Variants in GNAT3 observed in about 807,000 individuals in gnomAD.
The protein encoded by GNAT3 is guanine nucleotide-binding protein G(t) subunit alpha-3.
Under a neutral mutation model 37.7 loss-of-function variants are expected in GNAT3, and 31 were observed. The observed-to-expected ratio is 0.82, with a 90% CI of 0.62 to 1.11. GNAT3 has a LOEUF of 1.11. Among genes scored for constraint, GNAT3 ranks in the 50% most tolerant of loss-of-function variants. The pLI is 0.00. For synonymous variants in GNAT3, 138 were observed against 139.8 expected, an observed-to-expected ratio of 0.99 and a Z score of 0.09; for missense variants, 437 against 412.5, an observed-to-expected ratio of 1.06 and a Z score of -0.51.
chr7:80,469,918 T>A (rs1790181543), intron 5 of GNAT3, among the ~76,000 whole-genome samples: 1 of 152,206 alleles, frequency 6.6e-6, no homozygotes, highest in African/African-American at 2.4e-5. Flanking sequence ...TTGCTCTAAC[T>A]AAACTTAAAA....
At chr7:80,504,442 TA>T (rs2116228131) in intron 1 of GNAT3, among the ~76,000 whole-genome samples, 1 of 152,272 alleles carries the variant, frequency 6.6e-6, no homozygotes, top group South Asian at 2.1e-4. Context: ...TGAAAGAGAC[TA>T]AACAGGATAA....
intron 5 of GNAT3, among the ~76,000 whole-genome samples, chr7:80,473,839 T>C (rs1790257599): frequency 6.6e-6 from 1 of 152,196 alleles, no homozygotes; most frequent in East Asian, 1.9e-4. Context: ...ATTTGCATTT[T>C]TTAAAATTAA....
chr7:80,474,251 CT>C lies in GNAT3; in HGVS notation c.589del (p.Arg197GlyfsTer5). On this transcript the variant is annotated frameshift_variant and splice_region_variant, in exon 5 of 8. Coordinates refer to ENST00000398291, the MANE Select transcript of GNAT3 (RefSeq NM_001102386.3). LOFTEE classifies it high-confidence loss of function. ...AGTTAGAAAAGATATTTGATCATAC[CT>C]GAAGTGCAAGTCTTTAAAGGAGAAT... ...TQFSFKDLHF[R>X]MFDVGGQRSE... 6.2e-7 allele frequency: 1 copy of C among 1,604,070 alleles called. No individual in the cohort carries two copies.
At chr7:80,497,673 TACATATATACAC>T (rs1562733104) in intron 1 of GNAT3, among the ~76,000 whole-genome samples, 1 of 107,110 alleles carries the variant, frequency 9.3e-6, no homozygotes, top group South Asian at 2.5e-4. Flanking sequence ...CGTATATACA[TACATATATACAC>T]ACACACTGTC....
At chr7:80,475,320 C>T (rs1289504046) in intron 4 of GNAT3, among the ~76,000 whole-genome samples, 2 of 149,746 alleles carry the variant, frequency 1.3e-5, no homozygotes, top group Non-Finnish European at 3.0e-5. Flanking sequence ...AAAACCTGCT[C>T]TCAGCTTCCT....
chr7:80,511,900 G>C lies in GNAT3; in HGVS notation c.27C>G (p.Ser9Arg), dbSNP rs773511062. 1.7e-5 allele frequency: 27 copies of C among 1,611,022 alleles called. No homozygotes were observed. In the Admixed American group the frequency reaches 2.5e-4, roughly 15 times the overall value. MGSGISSE[S>R]KESAKRSKEL... ...CTTTTGATCTTTTGGCTGACTCCTT[G>C]CTCTCTGAACTAATTCCACTTCCCA... is the stretch of plus-strand genomic sequence containing the variant. The change falls in exon 1 of 8, where the codon AGC (serine) becomes AGG (arginine). Residue 9 changes from serine to arginine, a missense_variant. Ser to Arg is a moderately radical substitution (Grantham distance 110). Coordinates refer to ENST00000398291, the MANE Select transcript of GNAT3 (RefSeq NM_001102386.3).
chr7:80,467,431 A>G (rs1018319515), intron 5 of GNAT3, among the ~76,000 whole-genome samples: 1 of 152,148 alleles, frequency 6.6e-6, no homozygotes, highest in Non-Finnish European at 1.5e-5. Flanking sequence ...AGCAAATCAG[A>G]TCAATAGCCA....
chr7:80,482,616 C>A (rs946348253), intron 3 of GNAT3, among the ~76,000 whole-genome samples: 2 of 151,432 alleles, frequency 1.3e-5, no homozygotes, highest in South Asian at 2.1e-4. Flanking sequence ...CACTTTCAAG[C>A]GATTCTCCTG....
At chr7:80,502,721 T>C (rs1790859415) in intron 1 of GNAT3, among the ~76,000 whole-genome samples, 1 of 151,586 alleles carries the variant, frequency 6.6e-6, no homozygotes, top group African/African-American at 2.4e-5. Context: ...AAAAAAAACA[T>C]AGGTTTGAAT....
intron 5 of GNAT3, among the ~76,000 whole-genome samples, chr7:80,470,469 C>A (rs1230876749): frequency 6.6e-6 from 1 of 152,172 alleles, no homozygotes; most frequent in South Asian, 2.1e-4. Flanking sequence ...AATCCACCAG[C>A]CTCGGCCTCT....
At chr7:80,509,426 C>T (rs1314715345) in intron 1 of GNAT3, among the ~76,000 whole-genome samples, 1 of 151,828 alleles carries the variant, frequency 6.6e-6, no homozygotes. Context: ...GTGTTGGAAC[C>T]AAATAAATCC....
chr7:80,494,754 G>A (rs1205253694), intron 1 of GNAT3, 107 bp from the exon 2 acceptor site: 3 of 669,952 alleles, frequency 4.5e-6, no homozygotes, highest in Admixed American at 5.4e-5. Context: ...AATAGGTTTA[G>A]GGGGTACAAG....
intron 1 of GNAT3, among the ~76,000 whole-genome samples, chr7:80,503,471 A>G (rs1357092685): frequency 6.6e-6 from 1 of 152,236 alleles, no homozygotes; most frequent in Non-Finnish European, 1.5e-5. Flanking sequence ...TCTTATCTAT[A>G]TCATGAAAGT....
At chr7:80,474,996 C>T (rs754920230) in intron 4 of GNAT3, among the ~76,000 whole-genome samples, 12 of 151,992 alleles carry the variant, frequency 7.9e-5, no homozygotes, top group Non-Finnish European at 1.0e-4. Flanking sequence ...ATCTAGTTAG[C>T]GCAATAAAAG....
chr7:80,495,778 T>C (rs1790705558), intron 1 of GNAT3, among the ~76,000 whole-genome samples: 1 of 152,132 alleles, frequency 6.6e-6, no homozygotes, highest in African/African-American at 2.4e-5. Flanking sequence ...CACTGTAGTT[T>C]TAATTTACAT....
chr7:80,461,234 T>C (rs922701751), intron 7 of GNAT3, among the ~76,000 whole-genome samples: 1 of 152,112 alleles, frequency 6.6e-6, no homozygotes, highest in Non-Finnish European at 1.5e-5. Flanking sequence ...GTGGTAAAAC[T>C]GGATTTGTAT....
intron 4 of GNAT3, among the ~76,000 whole-genome samples, chr7:80,478,108 G>A (rs377737153): frequency 2.6e-5 from 4 of 152,274 alleles, no homozygotes; most frequent in African/African-American, 9.6e-5. Flanking sequence ...ACTTGGCTTT[G>A]CCATGTAACC....
chr7:80,491,352 A>G (rs911956761), intron 2 of GNAT3, among the ~76,000 whole-genome samples: 4 of 152,174 alleles, frequency 2.6e-5, no homozygotes, highest in African/African-American at 9.7e-5. Context: ...TAGCCAGAGA[A>G]TATAGCAGTA....
chr7:80,493,069 A>C (rs995344586), intron 2 of GNAT3, among the ~76,000 whole-genome samples: 1 of 151,958 alleles, frequency 6.6e-6, no homozygotes, highest in African/African-American at 2.4e-5. Context: ...ATTTATTATA[A>C]ATTTTTTCTT....
Sources: allele counts gnomAD v4.1 joint callset (sites outside exome capture counted in the v4.1 genomes callset), GRCh38; gene constraint gnomAD v4.1.1; transcripts MANE v1.5; gene names NCBI Gene and HGNC (gene_info 2026-07-23, HGNC 2026-07-21).